Variants in LEMD3 observed in about 807,000 individuals in gnomAD.
The protein encoded by LEMD3 is inner nuclear membrane protein Man1.
Under a neutral mutation model 95.2 loss-of-function variants are expected in LEMD3, and 33 were observed. The ratio of observed to expected loss-of-function variants is 0.35; its 90% CI spans 0.26 to 0.46. LEMD3 has a LOEUF of 0.46. Ranked by LOEUF, LEMD3 falls within the 20% of genes least tolerant of loss-of-function variation. The pLI is 1.00. For synonymous variants in LEMD3, 525 were observed against 474.6 expected (o/e 1.11, Z -1.38); for missense variants, 1,210 against 1,192.8 (o/e 1.01, Z -0.21).
At chr12:65,243,756 G>C (rs1370030371) in intron 10 of LEMD3, among the ~76,000 whole-genome samples, 2 of 152,146 alleles carry the variant, frequency 1.3e-5, no homozygotes, top group Non-Finnish European at 2.9e-5. Flanking sequence ...CAATGACAAA[G>C]AGTACCCTTT....
chr12:65,172,170 C>T (rs942038905), intron 1 of LEMD3, among the ~76,000 whole-genome samples: 2 of 152,062 alleles, frequency 1.3e-5, no homozygotes, highest in African/African-American at 2.4e-5. Flanking sequence ...TCTGAACTTT[C>T]CTAATCTATA....
At chr12:65,180,481 A>T (rs892298485) in intron 1 of LEMD3, among the ~76,000 whole-genome samples, 2 of 151,750 alleles carry the variant, frequency 1.3e-5, no homozygotes, top group African/African-American at 2.4e-5. Context: ...ATCATTATTT[A>T]AAAAATATAT....
intron 1 of LEMD3, among the ~76,000 whole-genome samples, chr12:65,206,478 A>G (rs1474061573): frequency 6.6e-6 from 1 of 152,188 alleles, no homozygotes; most frequent in Non-Finnish European, 1.5e-5. Context: ...CTGGACAAGT[A>G]GGCACTTTAT....
intron 1 of LEMD3, among the ~76,000 whole-genome samples, chr12:65,175,868 C>T (rs1868704034): frequency 6.6e-6 from 1 of 151,914 alleles, no homozygotes. Context: ...GTTTTTGCTC[C>T]TCCTCCCTGT....
chr12:65,199,137 A>C (rs1869518541), intron 1 of LEMD3, among the ~76,000 whole-genome samples: 1 of 152,116 alleles, frequency 6.6e-6, no homozygotes, highest in Non-Finnish European at 1.5e-5. Context: ...CTTCTCTTAG[A>C]TTAAACTTTT....
At chr12:65,207,716 G>C (rs752819338) in intron 1 of LEMD3, among the ~76,000 whole-genome samples, 3 of 152,116 alleles carry the variant, frequency 2.0e-5, no homozygotes, top group African/African-American at 7.2e-5. Flanking sequence ...ATATACTATT[G>C]CCTGTTTTCC....
chr12:65,190,115 C>G (rs1333913166), intron 1 of LEMD3, among the ~76,000 whole-genome samples: 1 of 152,112 alleles, frequency 6.6e-6, no homozygotes, highest in Non-Finnish European at 1.5e-5. Flanking sequence ...ACTTTCCGGT[C>G]AAAAGCCTTG....
At chr12:65,242,681 T>C (rs1189117961) in intron 9 of LEMD3, among the ~76,000 whole-genome samples, 8 of 152,184 alleles carry the variant, frequency 5.3e-5, no homozygotes. Context: ...TGGCCTGTCT[T>C]ACCCACATCA....
At chr12:65,185,855 T>G (rs1379142663) in intron 1 of LEMD3, among the ~76,000 whole-genome samples, 1 of 151,970 alleles carries the variant, frequency 6.6e-6, no homozygotes, top group East Asian at 1.9e-4. Context: ...TGGTAAAACA[T>G]TTTTGGCAGT....
intron 3 of LEMD3, among the ~76,000 whole-genome samples, chr12:65,216,645 CA>C (rs1444441851): frequency 2.0e-5 from 3 of 150,172 alleles, no homozygotes; most frequent in Non-Finnish European, 4.4e-5. Flanking sequence ...TTTTTTTAAA[CA>C]TATAATCTGA....
intron 3 of LEMD3, 30 bp downstream of exon 3, chr12:65,216,073 A>C (rs3817000): frequency 1.4e-6 from 2 of 1,383,790 alleles, no homozygotes; most frequent in South Asian, 2.4e-5. Flanking sequence ...TAGTTGCTAA[A>C]AATGTTTTGA....
At chr12:65,239,159 T>C (rs1870859098) in intron 6 of LEMD3, among the ~76,000 whole-genome samples, 1 of 152,212 alleles carries the variant, frequency 6.6e-6, no homozygotes, top group Admixed American at 6.5e-5. Flanking sequence ...AAATTTAGTT[T>C]TTAAAATGTA....
chr12:65,205,206 A>T (rs898408530), intron 1 of LEMD3, among the ~76,000 whole-genome samples: 1 of 151,922 alleles, frequency 6.6e-6, no homozygotes. Context: ...TGATCCAATC[A>T]CCTCCCACCA....
intron 1 of LEMD3, among the ~76,000 whole-genome samples, chr12:65,173,775 T>G (rs1868627871): frequency 6.6e-6 from 1 of 152,178 alleles, no homozygotes; most frequent in Non-Finnish European, 1.5e-5. Flanking sequence ...TAAATATACA[T>G]TATAGAAATT....
chr12:65,226,664 G>A (rs906309669), intron 4 of LEMD3, among the ~76,000 whole-genome samples: 2 of 152,154 alleles, frequency 1.3e-5, no homozygotes, highest in Admixed American at 1.3e-4. Flanking sequence ...GTATAATAAG[G>A]AGATTATATC....
chr12:65,183,312 C>T (rs918458994), intron 1 of LEMD3, among the ~76,000 whole-genome samples: 11 of 152,004 alleles, frequency 7.2e-5, no homozygotes, highest in African/African-American at 2.4e-4. Flanking sequence ...ATTTTGCATT[C>T]ATGGTGTATC....
chr12:65,192,226 G>T (rs983613628), intron 1 of LEMD3, among the ~76,000 whole-genome samples: 1 of 151,964 alleles, frequency 6.6e-6, no homozygotes, highest in East Asian at 1.9e-4. Flanking sequence ...CTGTACTTTT[G>T]ATATTAAGGG....
chr12:65,244,419 A>G (rs1871034523), intron 10 of LEMD3, among the ~76,000 whole-genome samples: 1 of 152,048 alleles, frequency 6.6e-6, no homozygotes, highest in Non-Finnish European at 1.5e-5. Context: ...TTTATTACCT[A>G]AGATGAAAAT....
At position 65,170,841 on chromosome 12, in the gene LEMD3, G is replaced by A; in HGVS notation, c.1245G>A (p.Ala415=). 1 of 1,614,182 alleles carries A rather than the reference G, an allele frequency of 6.2e-7. No homozygotes were observed. Among genetic ancestry groups the A allele is most frequent in the Non-Finnish European group, 8.5e-7 (1 of 1,180,040 alleles). Residue 415 remains alanine (A), a synonymous_variant, in exon 1 of 13, where the codon GCG becomes GCA. Coordinates refer to ENST00000308330, the MANE Select transcript of LEMD3 (RefSeq NM_014319.5). ...CTAACAGTCTCCCTCCCAGTGCGGCGGTGGCCGCCTCTAGTTCACTCAGGA... is the reference window on the plus strand; with the variant it reads ...CTAACAGTCTCCCTCCCAGTGCGGCAGTGGCCGCCTCTAGTTCACTCAGGA... ...IYSNSLPPSA[A]VAASSSLRIN... is the part of the protein sequence containing the mutation.
Sources: gnomAD v4.1 joint callset for allele counts (sites outside exome capture counted in the v4.1 genomes callset) on GRCh38, gnomAD v4.1.1 for gene constraint, MANE v1.5 for transcripts, NCBI Gene and HGNC (gene_info 2026-07-23, HGNC 2026-07-21) for gene names.